The following UGGT1 variants were observed in gnomAD, a reference collection of about 807,000 sequenced individuals.
UGGT1 encodes UDP-glucose glycoprotein glucosyltransferase 1.
UGGT1 carries 107 observed loss-of-function variants against 203.9 expected under a neutral mutation model. That is an observed-to-expected ratio of 0.52 (90% CI 0.45 to 0.62). The LOEUF is 0.62. UGGT1 is among the 20% of genes least tolerant of loss of function. UGGT1 has a pLI of 0.00. For synonymous variants in UGGT1, 628 were observed against 653.5 expected (o/e 0.96, Z 0.59); for missense variants, 1,673 against 1,867.2 (o/e 0.90, Z 1.92).
At chr2:128,121,431 G>A (rs1393004904) in intron 10 of UGGT1, 133 bp downstream of exon 10, 17 of 599,898 alleles carry the variant, frequency 2.8e-5, no homozygotes, top group Non-Finnish European at 4.5e-5. Flanking sequence ...TTGAGATGGA[G>A]TCTCACTCTT....
chr2:128,130,858 T>G (rs1479102233), intron 13 of UGGT1, among the ~76,000 whole-genome samples: 2 of 152,094 alleles, frequency 1.3e-5, no homozygotes, highest in African/African-American at 4.8e-5. Context: ...ATTCCTGCGG[T>G]CAAGCAATCC....
chr2:128,118,013 A>C (rs549271289), intron 8 of UGGT1, among the ~76,000 whole-genome samples: 220 of 150,326 alleles, frequency 1.5e-3, no homozygotes, highest in Non-Finnish European at 2.5e-3. Context: ...AGAGAGAGAG[A>C]GAGGGAAAGA....
rs1476377725 is a variant in UGGT1, at chr2:128,187,505, G to A, written c.4533G>A (p.Pro1511=). ...TGGAAGCAGCTGTGCGGATTGTCCC[G>A]GAGTGGCAGGACTACGACCAAGAGA... ...PKLEAAVRIV[P]EWQDYDQEIK... is the part of the protein sequence containing the mutation. Residue 1511 remains proline (P), a synonymous_variant, in exon 40 of 41, where the codon CCG becomes CCA. Transcript: ENST00000259253. 1.4e-5 allele frequency: 22 copies of A among 1,614,114 alleles called. No individual in the cohort carries two copies. The highest frequency in any genetic ancestry group is 4.5e-5 in the East Asian group (2 of 44,880).
At position 128,192,206 on chromosome 2, in the gene UGGT1, C is replaced by A. The variant is rs1692296550; in HGVS notation, c.*2464C>A. 6.6e-6 allele frequency: 1 copy of A among 151,730 alleles called. No homozygotes were observed. The highest frequency in any genetic ancestry group is 2.1e-4 in the South Asian group (1 of 4,810). The allele number at this position is 151,730 out of a possible 1,614,324, so 9.4% of individuals were successfully genotyped here. ...ATATAAGTCAGCTTAATAGTTGACT[C>A]TGAATAATGCAAAACCCAGCTTGCT... On this transcript the variant is annotated 3_prime_UTR_variant, in exon 41 of 41. Coordinates refer to ENST00000259253, the MANE Select transcript of UGGT1 (RefSeq NM_020120.4).
At chr2:128,091,815 A>C (rs1686878704) in intron 1 of UGGT1, among the ~76,000 whole-genome samples, 1 of 152,168 alleles carries the variant, frequency 6.6e-6, no homozygotes, top group South Asian at 2.1e-4. Context: ...TTTTTCCTAA[A>C]ATGAATTCGG....
intron 7 of UGGT1, among the ~76,000 whole-genome samples, chr2:128,115,955 A>G (rs1388977545): frequency 1.3e-5 from 2 of 152,176 alleles, no homozygotes; most frequent in Non-Finnish European, 2.9e-5. Context: ...TTTGACTATT[A>G]ATTTCATAAT....
At chr2:128,149,181 ATAGG>A (rs538134992) in intron 18 of UGGT1, among the ~76,000 whole-genome samples, 100 of 152,128 alleles carry the variant, frequency 6.6e-4, no homozygotes, top group African/African-American at 2.3e-3. Context: ...AGCTGGGACC[ATAGG>A]TGTATGCCAC....
chr2:128,161,195 G>A lies in UGGT1; in HGVS notation c.2752G>A (p.Glu918Lys), dbSNP rs113995539. 1,247 of 1,613,914 alleles carry A rather than the reference G, an allele frequency of 7.7e-4. 3 individuals carry two copies. Among genetic ancestry groups the A allele is most frequent in the Middle Eastern group, 2.6e-3 (16 of 6,062 alleles). ...LFNQDDFHLL[E>K]NIILKTSGQK... ...TAATCAAGACGATTTCCACCTCCTC[G>A]AAAATATCATCTTAAAAACCTCAGG... Residue 918 changes from glutamate (E) to lysine (K), a missense_variant, in exon 25 of 41, where the codon GAA (glutamate) becomes AAA (lysine). Glu to Lys is a moderately conservative substitution (Grantham distance 56). This residue lies in a region of UGGT1 where 1,073 missense variants were observed against 1,078.7 expected (regional missense o/e 0.99). Coordinates refer to ENST00000259253, the MANE Select transcript of UGGT1 (RefSeq NM_020120.4).
intron 22 of UGGT1, among the ~76,000 whole-genome samples, 185 bp downstream of exon 22, chr2:128,157,531 A>G (rs1179543616): frequency 6.6e-6 from 1 of 152,216 alleles, no homozygotes; most frequent in Non-Finnish European, 1.5e-5. Context: ...AGACTACAGT[A>G]TCCAGGCTTT....
At position 128,180,904 on chromosome 2, in the gene UGGT1, C is replaced by T; in HGVS notation, c.3915C>T (p.Tyr1305=). Reference sequence around the variant, plus strand: ...TCTAAAAATAGGAGTTTATACCTTACATGGCAAATGAATACAATTTCCAGT... The same window carrying T: ...TCTAAAAATAGGAGTTTATACCTTATATGGCAAATGAATACAATTTCCAGT... ...LSPTFKEFIP[Y]MANEYNFQYE... Residue 1305 remains tyrosine (Y), a synonymous_variant, in exon 36 of 41, where the codon TAC becomes TAT. Coordinates refer to ENST00000259253, the MANE Select transcript of UGGT1 (RefSeq NM_020120.4). 6.2e-7 allele frequency: 1 copy of T among 1,613,394 alleles called. No homozygotes were observed. The highest frequency in any genetic ancestry group is 1.1e-5 in the South Asian group (1 of 90,844).
chr2:128,116,475 A>G (rs149726000), intron 8 of UGGT1, 132 bp downstream of exon 8: 8,862 of 594,584 alleles, frequency 0.015, 91 homozygotes, highest in Non-Finnish European at 0.02. Context: ...TATGTATGCA[A>G]TCCTACGTGG....
chr2:128,157,456 T>TTTTTTTTTTTTTTTTTTTGAGACGG, intron 22 of UGGT1, 110 bp downstream of exon 22: 1 of 784,788 alleles, frequency 1.3e-6, no homozygotes, highest in South Asian at 1.7e-5. Flanking sequence ...CCTGCTTTCT[T>TTTTTTTTTTTTTTTTTTTGAGACGG]AATGCTCGAG....
chr2:128,099,872 C>CA (rs369501052), intron 2 of UGGT1, among the ~76,000 whole-genome samples: 105 of 152,124 alleles, frequency 6.9e-4, no homozygotes, highest in African/African-American at 2.5e-3. Flanking sequence ...AAATAACAAA[C>CA]AAAAAAGCAG....
At chr2:128,097,021 A>T (rs912431665) in intron 1 of UGGT1, among the ~76,000 whole-genome samples, 1 of 152,196 alleles carries the variant, frequency 6.6e-6, no homozygotes, top group Non-Finnish European at 1.5e-5. Context: ...AACTTATGTT[A>T]TTTTGTGTCT....
intron 16 of UGGT1, among the ~76,000 whole-genome samples, chr2:128,142,356 C>T (rs1179877451): frequency 2.0e-5 from 3 of 151,132 alleles, no homozygotes; most frequent in East Asian, 2.0e-4. Flanking sequence ...GAGGCCGAGG[C>T]GGGCGAATCA....
intron 26 of UGGT1, among the ~76,000 whole-genome samples, chr2:128,166,106 G>A (rs1378918675): frequency 6.6e-6 from 1 of 152,016 alleles, no homozygotes; most frequent in African/African-American, 2.4e-5. Context: ...TTTTTGTTTT[G>A]AAAAGTTTAA....
At chr2:128,123,866 T>G (rs773705568) in intron 11 of UGGT1, among the ~76,000 whole-genome samples, 3 of 152,220 alleles carry the variant, frequency 2.0e-5, no homozygotes, top group Non-Finnish European at 2.9e-5. Context: ...ATTTCCTTGT[T>G]TTGGTACAGC....
At chr2:128,183,309 A>G (rs1691802430) in intron 37 of UGGT1, among the ~76,000 whole-genome samples, 1 of 152,206 alleles carries the variant, frequency 6.6e-6, no homozygotes, top group Non-Finnish European at 1.5e-5. Flanking sequence ...TAAGGACTGT[A>G]ACACTCTGGG....
At chr2:128,141,801 A>G (rs973916481) in intron 16 of UGGT1, among the ~76,000 whole-genome samples, 11 of 149,174 alleles carry the variant, frequency 7.4e-5, no homozygotes, top group Non-Finnish European at 1.5e-4. Flanking sequence ...ATGAGTGGAA[A>G]CTCCATCTCA....
Sources: gnomAD v4.1 joint callset for allele counts (sites outside exome capture counted in the v4.1 genomes callset) on GRCh38, gnomAD v4.1.1 for gene constraint, gnomAD v4.1.1 regional missense constraint, MANE v1.5 for transcripts, NCBI Gene and HGNC (gene_info 2026-07-23, HGNC 2026-07-21) for gene names.